GSG1L: variants seen among roughly 807,000 people sequenced by gnomAD.
GSG1L encodes the protein germ cell-specific gene 1-like protein.
Under a neutral mutation model 42.1 loss-of-function variants are expected in GSG1L, and 24 were observed. The ratio of observed to expected loss-of-function variants is 0.57; its 90% confidence interval spans 0.41 to 0.80. The LOEUF (loss-of-function observed/expected upper bound fraction) is 0.80, where lower values mean the gene tolerates loss of function less well. Among genes scored for constraint, GSG1L ranks in the 30% least tolerant of loss-of-function variants. The pLI, the probability that GSG1L is intolerant of heterozygous loss-of-function variation, is 0.00. For synonymous variants in GSG1L, 215 were observed against 203.5 expected (o/e 1.06, Z -0.48); for missense variants, 445 against 472.2 (o/e 0.94, Z 0.53).
intron 1 of GSG1L, among the ~76,000 whole-genome samples, chr16:27,980,643 G>T (rs138877582): frequency 5.2e-3 from 793 of 152,226 alleles, no homozygotes; most frequent in Non-Finnish European, 7.4e-3. Context: ...AGCACTCTGG[G>T]AGGCTGAGGT....
chr16:27,920,714 C>G (rs1043119506), intron 2 of GSG1L, among the ~76,000 whole-genome samples: 13 of 152,196 alleles, frequency 8.5e-5, no homozygotes, highest in African/African-American at 3.1e-4. Context: ...CTGTGATGGG[C>G]TGAAAGGCCC....
At chr16:27,890,696 C>T (rs1335181557) in intron 2 of GSG1L, among the ~76,000 whole-genome samples, 2 of 152,152 alleles carry the variant, frequency 1.3e-5, no homozygotes, top group African/African-American at 2.4e-5. Flanking sequence ...AGCAGGAGGA[C>T]AATGACATGC....
At chr16:27,928,594 G>A (rs543476488) in intron 2 of GSG1L, among the ~76,000 whole-genome samples, 19 of 152,228 alleles carry the variant, frequency 1.2e-4, no homozygotes, top group Non-Finnish European at 2.6e-4. Context: ...TGGACACCAG[G>A]GAGAGGCTTC....
At chr16:27,878,065 A>G (rs2083908937) in intron 3 of GSG1L, among the ~76,000 whole-genome samples, 1 of 152,074 alleles carries the variant, frequency 6.6e-6, no homozygotes, top group Admixed American at 6.6e-5. Context: ...AAGAAAAAAA[A>G]AATGGTTTTT....
At chr16:27,986,998 C>T (rs975716292) in intron 1 of GSG1L, among the ~76,000 whole-genome samples, 2 of 152,262 alleles carry the variant, frequency 1.3e-5, no homozygotes, top group South Asian at 4.1e-4. Context: ...GGGCAGATCA[C>T]CTGAGGTCAG....
chr16:27,968,133 C>G (rs1011190452), intron 1 of GSG1L, among the ~76,000 whole-genome samples: 2 of 151,984 alleles, frequency 1.3e-5, no homozygotes, highest in Non-Finnish European at 2.9e-5. Context: ...AATAAGAATT[C>G]TATTTTACAA....
intron 1 of GSG1L, among the ~76,000 whole-genome samples, chr16:27,969,704 T>C (rs1250905448): frequency 6.6e-6 from 1 of 152,242 alleles, no homozygotes; most frequent in African/African-American, 2.4e-5. Flanking sequence ...AAGTTTTTGT[T>C]TCTCTTGGGT....
intron 3 of GSG1L, among the ~76,000 whole-genome samples, chr16:27,878,656 C>G (rs568187793): frequency 6.6e-6 from 1 of 152,284 alleles, no homozygotes; most frequent in Non-Finnish European, 1.5e-5. Flanking sequence ...AGGCTGATCT[C>G]AAACTCCTGG....
chr16:27,838,631 C>T (rs1302845270), intron 4 of GSG1L, among the ~76,000 whole-genome samples: 1 of 152,152 alleles, frequency 6.6e-6, no homozygotes, highest in Non-Finnish European at 1.5e-5. Context: ...CAACCTACTC[C>T]AGGCCCTGCC....
chr16:28,055,759 C>T (rs560120328), intron 1 of GSG1L, among the ~76,000 whole-genome samples: 7 of 152,270 alleles, frequency 4.6e-5, no homozygotes, highest in Non-Finnish European at 8.8e-5. Context: ...CATGAGCCAC[C>T]ACGCCCGGCC....
intron 2 of GSG1L, among the ~76,000 whole-genome samples, chr16:27,946,653 AAGAAAAGAAAG>A (rs1164637143): frequency 3.9e-5 from 1 of 25,552 alleles, no homozygotes; most frequent in African/African-American, 1.9e-4. Flanking sequence ...GAAAGAAAGA[AAGAAAAGAAAG>A]AAAGAAAGAA....
chr16:27,985,972 A>G (rs1277034277), intron 1 of GSG1L, among the ~76,000 whole-genome samples: 1 of 152,006 alleles, frequency 6.6e-6, no homozygotes, highest in East Asian at 1.9e-4. Context: ...AAGAGTCATG[A>G]GAAGGTTTCT....
chr16:28,027,336 T>C (rs1170123980), intron 1 of GSG1L, among the ~76,000 whole-genome samples: 1 of 152,138 alleles, frequency 6.6e-6, no homozygotes, highest in Non-Finnish European at 1.5e-5. Context: ...ATCAGGCCAA[T>C]GAGAGCCTTC....
intron 1 of GSG1L, among the ~76,000 whole-genome samples, chr16:28,033,179 A>G (rs1454001792): frequency 6.6e-6 from 1 of 151,960 alleles, no homozygotes; most frequent in Non-Finnish European, 1.5e-5. Flanking sequence ...GCACCTGCCA[A>G]TCCTTCTTGC....
At chr16:27,806,223 C>G (rs1226748425) in intron 6 of GSG1L, among the ~76,000 whole-genome samples, 1 of 152,132 alleles carries the variant, frequency 6.6e-6, no homozygotes. Context: ...CACTTCAGCA[C>G]CATCTCCTGT....
At chr16:27,902,961 T>G (rs575153148) in intron 2 of GSG1L, among the ~76,000 whole-genome samples, 176 of 151,814 alleles carry the variant, frequency 1.2e-3, no homozygotes, top group African/African-American at 4.1e-3. Context: ...CAGCTTTCAG[T>G]ATGAACCACA....
At chr16:27,922,671 A>G (rs951615008) in intron 2 of GSG1L, among the ~76,000 whole-genome samples, 3 of 152,210 alleles carry the variant, frequency 2.0e-5, no homozygotes, top group Admixed American at 2.0e-4. Context: ...GTTAGAATCC[A>G]GTGATGGATG....
Position 27,807,572 on chromosome 16 carries a change from C to CA in GSG1L, c.831-19dup, listed in dbSNP as rs1246678349. 1 of 1,600,202 alleles carries CA rather than the reference C, an allele frequency of 6.2e-7. No individual in the cohort carries two copies. The highest frequency in any genetic ancestry group is 8.5e-7 in the Non-Finnish European group (1 of 1,174,042). Reference sequence around the variant, plus strand: ...TCTCCATCCTGGAAAGAAAAAAAAACAAAAACAAAATCCTAGGTAGGAAAG... The same window carrying CA: ...TCTCCATCCTGGAAAGAAAAAAAAACAAAAAACAAAATCCTAGGTAGGAAAG... On this transcript the variant is annotated intron_variant, in intron 5 of 6. Transcript: ENST00000447459.
chr16:27,828,240 T>A (rs1015182492), intron 5 of GSG1L, among the ~76,000 whole-genome samples: 1 of 151,792 alleles, frequency 6.6e-6, no homozygotes. Context: ...CATCCAGCCA[T>A]CCATCTACCT....
Sources: allele counts gnomAD v4.1 joint callset (sites outside exome capture counted in the v4.1 genomes callset), GRCh38; gene constraint gnomAD v4.1.1; transcripts MANE v1.5; gene names NCBI Gene and HGNC (gene_info 2026-07-23, HGNC 2026-07-21).